Variants in KIF26B observed in about 807,000 individuals in gnomAD.
KIF26B encodes the protein kinesin family member 26B.
KIF26B carries 63 observed loss-of-function variants against 151.2 expected under a neutral mutation model. That is an observed-to-expected ratio of 0.42 (90% CI 0.34 to 0.51). The LOEUF is 0.51. KIF26B is among the 20% of genes least tolerant of loss of function. KIF26B has a pLI of 0.07. For missense variants in KIF26B, 2,813 were observed against 2,913.6 expected, an observed-to-expected ratio of 0.97 and a Z score of 0.79; for synonymous variants, 1,357 against 1,262.1, an observed-to-expected ratio of 1.08 and a Z score of -1.59.
At chr1:245,584,789 G>A (rs951594392) in intron 5 of KIF26B, among the ~76,000 whole-genome samples, 2 of 152,122 alleles carry the variant, frequency 1.3e-5, no homozygotes, top group Non-Finnish European at 2.9e-5. Flanking sequence ...ACTTTTAAAA[G>A]AAAAATTCTT....
intron 4 of KIF26B, among the ~76,000 whole-genome samples, chr1:245,425,573 A>G (rs1286678304): frequency 6.6e-6 from 1 of 151,972 alleles, no homozygotes; most frequent in Non-Finnish European, 1.5e-5. Context: ...CACCCGGCTA[A>G]TTTTTGTATT....
chr1:245,656,771 G>A (rs970653341), intron 10 of KIF26B, among the ~76,000 whole-genome samples: 2 of 152,094 alleles, frequency 1.3e-5, no homozygotes, highest in Non-Finnish European at 2.9e-5. Context: ...TTTCACAACT[G>A]GTTCAGGCCC....
Position 245,348,092 on chromosome 1 carries a change from T to C in KIF26B, c.466-18742T>C, listed in dbSNP as rs550973869. On this transcript the variant is annotated intron_variant, in intron 2 of 14. Transcript: ENST00000407071. ...TGCCCGTAGATCATTCCCTCCTTCC[T>C]GGATGACTTTCTTTGCCTTGTTTTC... is the stretch of plus-strand genomic sequence containing the variant. Among the ~76,000 whole-genome samples the C allele has an allele frequency of 4.6e-5, 7 of 152,368 alleles. No individual in the cohort carries two copies. The South Asian group carries it at 1.4e-3, about 32-fold the overall frequency.
At chr1:245,428,108 A>G (rs190075240) in intron 4 of KIF26B, among the ~76,000 whole-genome samples, 142 of 152,338 alleles carry the variant, frequency 9.3e-4, no homozygotes, top group African/African-American at 3.4e-3. Context: ...GTGTCAGGAC[A>G]TAGATCTTTG....
rs746191919 is a variant in KIF26B, at chr1:245,704,852, T to C, written c.*2246T>C. 7.2e-6 allele frequency: 1 copy of C among 138,304 alleles called. No homozygotes were observed. The highest frequency in any genetic ancestry group is 1.5e-5 in the Non-Finnish European group (1 of 64,846). The allele number at this position is 138,304 out of a possible 1,614,324, so 8.6% of individuals were successfully genotyped here. On this transcript the variant is annotated 3_prime_UTR_variant, in exon 15 of 15. Transcript: ENST00000407071. ...CTGCTGGTTGCTGGTTTCAAACATA[T>C]AGTTCATGAAAAGTCTTTAATTGGA...
rs76751947 is a variant in KIF26B, at chr1:245,263,310, G to A, written c.466-103524G>A. Among the ~76,000 whole-genome samples the A allele has an allele frequency of 4.0e-3, 609 of 152,240 alleles. 6 individuals are homozygous for A. In the East Asian group the frequency reaches 0.041, roughly 10 times the overall value. ...CACATCCTGATTGCTTGTTCCACTC[G>A]GAAGGGAAGGCAGAGGGCTTGCATC... is the stretch of plus-strand genomic sequence containing the variant. On this transcript the variant is annotated intron_variant, in intron 2 of 14. Transcript: ENST00000407071.
chr1:245,450,981 T>C (rs1659376961), intron 4 of KIF26B, among the ~76,000 whole-genome samples: 1 of 152,228 alleles, frequency 6.6e-6, no homozygotes, highest in African/African-American at 2.4e-5. Flanking sequence ...TGTCTTCCTA[T>C]GGAAATGAAT....
intron 4 of KIF26B, among the ~76,000 whole-genome samples, chr1:245,468,854 T>G (rs1204567119): frequency 6.6e-6 from 1 of 152,210 alleles, no homozygotes; most frequent in East Asian, 1.9e-4. Context: ...ACTGTTAAAT[T>G]AAGGGTTCTT....
intron 10 of KIF26B, among the ~76,000 whole-genome samples, chr1:245,649,475 G>A (rs560234507): frequency 1.5e-3 from 230 of 152,288 alleles, no homozygotes; most frequent in South Asian, 7.2e-3. Context: ...GATCAATTCC[G>A]TCAGTGCTCT....
intron 2 of KIF26B, among the ~76,000 whole-genome samples, chr1:245,285,708 C>T (rs1040319627): frequency 5.4e-5 from 8 of 149,464 alleles, no homozygotes; most frequent in East Asian, 2.0e-4. Flanking sequence ...TCTGGGAGGC[C>T]GAGGAGGGAG....
At chr1:245,491,752 A>G (rs1020762793) in intron 4 of KIF26B, among the ~76,000 whole-genome samples, 22 of 152,186 alleles carry the variant, frequency 1.4e-4, no homozygotes. Context: ...TACTAAAAAT[A>G]CAAAAATTAC....
intron 2 of KIF26B, among the ~76,000 whole-genome samples, chr1:245,192,947 G>A (rs967438604): frequency 6.6e-6 from 1 of 152,134 alleles, no homozygotes; most frequent in African/African-American, 2.4e-5. Context: ...ATACAGGTAA[G>A]TTGTGTGTCA....
intron 9 of KIF26B, among the ~76,000 whole-genome samples, chr1:245,642,543 A>G (rs150439772): frequency 0.011 from 1,555 of 140,830 alleles, 10 homozygotes; most frequent in Middle Eastern, 0.022. Context: ...CCTGGGGGAC[A>G]GAGCGAGACT....
At chr1:245,160,516 A>G (rs1668513892) in intron 2 of KIF26B, among the ~76,000 whole-genome samples, 1 of 152,240 alleles carries the variant, frequency 6.6e-6, no homozygotes, top group Non-Finnish European at 1.5e-5. Context: ...TCTGTGACAG[A>G]ACTTTTGAAT....
At chr1:245,402,891 G>GT (rs1674040935) in intron 3 of KIF26B, among the ~76,000 whole-genome samples, 1 of 152,196 alleles carries the variant, frequency 6.6e-6, no homozygotes, top group Admixed American at 6.5e-5. Context: ...GCTGCGAAGA[G>GT]TTTTCCTCCT....
At chr1:245,321,739 A>T (rs1671890062) in intron 2 of KIF26B, among the ~76,000 whole-genome samples, 1 of 152,200 alleles carries the variant, frequency 6.6e-6, no homozygotes, top group Admixed American at 6.5e-5. Context: ...ATTGAGCCGC[A>T]ATTGGCCAGT....
intron 10 of KIF26B, among the ~76,000 whole-genome samples, chr1:245,681,756 C>T (rs929757985): frequency 3.3e-5 from 5 of 151,946 alleles, no homozygotes; most frequent in African/African-American, 7.3e-5. Context: ...ATCATGTTAC[C>T]CAAGGGAAGG....
chr1:245,603,133 A>G (rs554476545), intron 6 of KIF26B, among the ~76,000 whole-genome samples: 1 of 139,516 alleles, frequency 7.2e-6, no homozygotes, highest in African/African-American at 2.5e-5. Context: ...CTGCCTGGGC[A>G]TTGTACGAAG....
In KIF26B at chr1:245,268,417, C is replaced by T. The variant is rs367915260; in HGVS notation, c.466-98417C>T. Among the ~76,000 whole-genome samples, 19 of 150,086 alleles carry T rather than the reference C, an allele frequency of 1.3e-4. No individual in the cohort carries two copies. In the East Asian group the frequency reaches 2.5e-3, roughly 20 times the overall value. ...CCAGGGGGCAGATGTTGCAGTGAGCCGAGATCACACCACTGGACTCCAGCC... is the reference window on the plus strand; with the variant it reads ...CCAGGGGGCAGATGTTGCAGTGAGCTGAGATCACACCACTGGACTCCAGCC... On this transcript the variant is annotated intron_variant, in intron 2 of 14. Transcript: ENST00000407071.
Sources: allele counts gnomAD v4.1 joint callset (sites outside exome capture counted in the v4.1 genomes callset), GRCh38; gene constraint gnomAD v4.1.1; transcripts MANE v1.5; gene names NCBI Gene and HGNC (gene_info 2026-07-23, HGNC 2026-07-21).